SELENOI: variants seen among roughly 807,000 people sequenced by gnomAD.
The protein encoded by SELENOI is ethanolaminephosphotransferase 1.
In SELENOI, 24 loss-of-function variants were observed where a neutral mutation model predicts 50.7. The ratio of observed to expected loss-of-function variants is 0.47; its 90% confidence interval spans 0.34 to 0.67. SELENOI has a LOEUF of 0.67. Ranked by LOEUF, SELENOI falls within the 30% of genes least tolerant of loss-of-function variation. The probability of loss-of-function intolerance (pLI) is 0.01; values close to 1 mark genes in which losing one functional copy is unlikely to be tolerated. For missense variants in SELENOI, 352 were observed against 461.4 expected (o/e 0.76, Z 2.17); for synonymous variants, 155 against 170.2 (o/e 0.91, Z 0.70).
chr2:26,360,637 A>T (rs1031617782), intron 1 of SELENOI, among the ~76,000 whole-genome samples: 2 of 152,186 alleles, frequency 1.3e-5, no homozygotes, highest in Non-Finnish European at 2.9e-5. Flanking sequence ...TTCTGATCTG[A>T]ACTTACAACT....
intron 4 of SELENOI, among the ~76,000 whole-genome samples, chr2:26,368,439 A>G (rs1407823234): frequency 1.3e-5 from 2 of 152,194 alleles, no homozygotes; most frequent in Non-Finnish European, 2.9e-5. Context: ...TACTTGTTCT[A>G]GGCCCACAGT....
At chr2:26,382,448 T>C (rs534267424) in intron 6 of SELENOI, among the ~76,000 whole-genome samples, 2 of 152,268 alleles carry the variant, frequency 1.3e-5, no homozygotes, top group South Asian at 4.1e-4. Context: ...CGATACTGAA[T>C]TTGAACATTA....
rs192859684 is a variant in SELENOI, at chr2:26,359,469, C to T, written c.58-4833C>T. Among the ~76,000 whole-genome samples the T allele has an allele frequency of 1.5e-3, 231 of 152,100 alleles. 2 individuals carry two copies. In the East Asian group the frequency reaches 0.039, roughly 26 times the overall value. ...ACCAGCCTGACCAACATGGTGAAACCGCGACTCTACTAAAAATACAAAAAT... is the reference window on the plus strand; with the variant it reads ...ACCAGCCTGACCAACATGGTGAAACTGCGACTCTACTAAAAATACAAAAAT... On this transcript the variant is annotated intron_variant, in intron 1 of 9. Coordinates refer to ENST00000260585, the MANE Select transcript of SELENOI (RefSeq NM_033505.4).
At chr2:26,355,801 C>T (rs1677052177) in intron 1 of SELENOI, among the ~76,000 whole-genome samples, 1 of 151,396 alleles carries the variant, frequency 6.6e-6, no homozygotes, top group South Asian at 2.1e-4. Flanking sequence ...AGTGCAGTGG[C>T]ACTATCACGG....
At chr2:26,348,659 G>A (rs1374904685) in intron 1 of SELENOI, among the ~76,000 whole-genome samples, 1 of 150,880 alleles carries the variant, frequency 6.6e-6, no homozygotes, top group Non-Finnish European at 1.5e-5. Context: ...CTTTTAGGAC[G>A]TGAGCTTTAA....
intron 1 of SELENOI, among the ~76,000 whole-genome samples, chr2:26,362,094 TGCTAAAAGAGTTGACTCTTTTA>T (rs2147948687): frequency 6.6e-6 from 1 of 152,312 alleles, no homozygotes; most frequent in Non-Finnish European, 1.5e-5. Flanking sequence ...GTTGACTCTT[TGCTAAAAGAGTTGACTCTTTTA>T]GCAGAGTCTT....
rs1678027766 is a variant in SELENOI at position 26,393,889 on chromosome 2, G to A, written c.*4786G>A. 6.6e-6 allele frequency: 1 copy of A among 152,184 alleles called. No homozygotes were observed. Among genetic ancestry groups the A allele is most frequent in the African/African-American group, 2.4e-5 (1 of 41,450 alleles). 9.4% of individuals were successfully genotyped at this position (152,184 alleles called of 1,614,324 possible). ...CTGTTTGGCTAATGTCTTCTCTTGA[G>A]GAGTTTCTATGGGTAGCAATTAAAA... is the stretch of plus-strand genomic sequence containing the variant. On this transcript the variant is annotated 3_prime_UTR_variant, in exon 10 of 10. Coordinates refer to ENST00000260585, the MANE Select transcript of SELENOI (RefSeq NM_033505.4).
intron 4 of SELENOI, among the ~76,000 whole-genome samples, chr2:26,371,328 C>T (rs1677438818): frequency 6.6e-6 from 1 of 151,938 alleles, no homozygotes; most frequent in African/African-American, 2.4e-5. Flanking sequence ...GCGCTCCTCA[C>T]ATCCCAGACG....
chr2:26,385,205 G>A (rs893611471), intron 8 of SELENOI, 66 bp downstream of exon 8: 2 of 1,002,424 alleles, frequency 2.0e-6, no homozygotes, highest in South Asian at 3.3e-5. Context: ...TTGATAATTT[G>A]AAAAATCTTT....
At chr2:26,382,005 A>G (rs1677716709) in intron 6 of SELENOI, among the ~76,000 whole-genome samples, 1 of 152,222 alleles carries the variant, frequency 6.6e-6, no homozygotes, top group Non-Finnish European at 1.5e-5. Context: ...AGCTTGCCAG[A>G]TATATTGATT....
intron 4 of SELENOI, 148 bp downstream of exon 4, chr2:26,367,368 G>A: frequency 4.6e-6 from 3 of 659,306 alleles, no homozygotes; most frequent in East Asian, 6.7e-5. Flanking sequence ...ATGTTTTTGA[G>A]TTTCTTTACA....
At chr2:26,355,958 T>C (rs1453176833) in intron 1 of SELENOI, among the ~76,000 whole-genome samples, 1 of 152,206 alleles carries the variant, frequency 6.6e-6, no homozygotes, top group Non-Finnish European at 1.5e-5. Flanking sequence ...CCCAGGCTGG[T>C]CTTGAAGCTC....
chr2:26,381,196 GTCTTTTTTTTTTTT>G (rs942223653), intron 6 of SELENOI, among the ~76,000 whole-genome samples: 4 of 38,260 alleles, frequency 1.0e-4, no homozygotes, highest in African/African-American at 7.0e-4. Flanking sequence ...CTTCAGTTTG[GTCTTTTTTTTTTTT>G]TTTTTTTTTT....
intron 6 of SELENOI, among the ~76,000 whole-genome samples, chr2:26,378,617 A>G (rs950081869): frequency 1.2e-4 from 18 of 150,882 alleles, no homozygotes; most frequent in African/African-American, 4.1e-4. Flanking sequence ...GGTCTGGGAC[A>G]GGGGGTAGGC....
Position 26,386,520 on chromosome 2 carries a change from A to G in SELENOI, c.1079A>G (p.His360Arg). Residue 360 changes from histidine to arginine, a missense_variant, in exon 9 of 10, where the codon CAT becomes CGT. His to Arg is a conservative substitution (Grantham distance 29). Transcript: ENST00000260585. ...ACTGCTTTTACTCTGGCCCACATCC[A>G]TTATGGAGTACGAGTGGTGAGTAAT... ...LTTAFTLAHI[H>R]YGVRVVKQLS... 6.2e-7 allele frequency: 1 copy of G among 1,610,416 alleles called. No homozygotes were observed. The highest frequency in any genetic ancestry group is 2.2e-5 in the East Asian group (1 of 44,624).
At chr2:26,368,892 C>T (rs570737070) in intron 4 of SELENOI, among the ~76,000 whole-genome samples, 2 of 152,152 alleles carry the variant, frequency 1.3e-5, no homozygotes, top group Non-Finnish European at 2.9e-5. Flanking sequence ...CCCTGTATAA[C>T]AGAAATCTGT....
At chr2:26,371,797 C>T (rs547347680) in intron 4 of SELENOI, among the ~76,000 whole-genome samples, 83 of 152,314 alleles carry the variant, frequency 5.4e-4, no homozygotes, top group African/African-American at 1.9e-3. Context: ...TTGCAGTGAG[C>T]CGAGATGGCA....
At chr2:26,381,935 AG>A (rs1677714595) in intron 6 of SELENOI, among the ~76,000 whole-genome samples, 1 of 152,254 alleles carries the variant, frequency 6.6e-6, no homozygotes, top group South Asian at 2.1e-4. Flanking sequence ...GGTGTCTGGA[AG>A]AGACAAACTG....
At chr2:26,370,951 G>A (rs1353720818) in intron 4 of SELENOI, among the ~76,000 whole-genome samples, 1 of 98,990 alleles carries the variant, frequency 1.0e-5, no homozygotes, top group African/African-American at 3.3e-5. Flanking sequence ...CCTCCCTCCC[G>A]GATGGGGCGG....
Sources: gnomAD v4.1 joint callset for allele counts (sites outside exome capture counted in the v4.1 genomes callset) on GRCh38, gnomAD v4.1.1 for gene constraint, MANE v1.5 for transcripts, NCBI Gene and HGNC (gene_info 2026-07-23, HGNC 2026-07-21) for gene names.